The following CLIP2 variants were observed in gnomAD, a reference collection of about 807,000 sequenced individuals.
CLIP2 encodes the protein CAP-Gly domain-containing linker protein 2.
CLIP2 carries 41 observed loss-of-function variants against 111.7 expected under a neutral mutation model. The ratio of observed to expected loss-of-function variants is 0.37; its 90% CI spans 0.29 to 0.48. The LOEUF is 0.48. CLIP2 is among the 20% of genes least tolerant of loss of function. The probability of loss-of-function intolerance (pLI) is 0.99; values close to 1 mark genes in which losing one functional copy is unlikely to be tolerated. For missense variants in CLIP2, 1,160 were observed against 1,422.1 expected, an observed-to-expected ratio of 0.82 and a Z score of 2.96; for synonymous variants, 660 against 644.2, an observed-to-expected ratio of 1.02 and a Z score of -0.37.
chr7:74,362,339 C>A (rs1407023524), intron 7 of CLIP2, among the ~76,000 whole-genome samples: 1 of 152,068 alleles, frequency 6.6e-6, no homozygotes, highest in Non-Finnish European at 1.5e-5. Flanking sequence ...ATCCCCAACA[C>A]CCCCACTTGG....
chr7:74,358,975 CT>C (rs1187176148), intron 6 of CLIP2, among the ~76,000 whole-genome samples: 1 of 151,732 alleles, frequency 6.6e-6, no homozygotes, highest in East Asian at 1.9e-4. Context: ...CCATTTTTCA[CT>C]TTTTTTGAGA....
Position 74,338,701 on chromosome 7 carries a change from C to G in CLIP2, c.375C>G (p.Gly125=). 6.3e-7 allele frequency: 1 copy of G among 1,584,976 alleles called. No individual in the cohort carries two copies. The highest frequency in any genetic ancestry group is 2.3e-5 in the East Asian group (1 of 43,430). ...TGGGCAAGAATGATGGCGCGGTGGGCGGCGTGCGCTACTTCGAGTGCCCGG... is the reference window on the plus strand; with the variant it reads ...TGGGCAAGAATGATGGCGCGGTGGGGGGCGTGCGCTACTTCGAGTGCCCGG... The part of the protein sequence containing the change: ...DPVGKNDGAV[G]GVRYFECPAL... Residue 125 remains glycine, a synonymous_variant, in exon 3 of 17, where the codon GGC becomes GGG. Transcript: ENST00000223398. The surrounding 1 kb of genome is among the most constrained non-coding windows in gnomAD (Gnocchi z 4.3).
chr7:74,367,746 C>T (rs988761086), intron 8 of CLIP2, among the ~76,000 whole-genome samples: 1 of 152,116 alleles, frequency 6.6e-6, no homozygotes, highest in Non-Finnish European at 1.5e-5. Flanking sequence ...CTAACACCAC[C>T]CCCCTTACGG....
At chr7:74,297,871 C>T (rs73360522) in intron 1 of CLIP2, among the ~76,000 whole-genome samples, 14,858 of 149,078 alleles carry the variant, frequency 0.1, 1,398 homozygotes, top group East Asian at 0.3. Context: ...GGAGTGCAGT[C>T]GTGCCATCTT....
chr7:74,305,874 G>T (rs1788473648), intron 1 of CLIP2, among the ~76,000 whole-genome samples: 1 of 48,090 alleles, frequency 2.1e-5, no homozygotes, highest in African/African-American at 1.5e-4. Context: ...CACCGCCCCT[G>T]CTGCCAGTTC....
chr7:74,308,368 G>A (rs1788551684), intron 1 of CLIP2, among the ~76,000 whole-genome samples: 1 of 152,158 alleles, frequency 6.6e-6, no homozygotes, highest in Non-Finnish European at 1.5e-5. Context: ...TGTGGTGTCT[G>A]ACCAGCTGGG....
intron 1 of CLIP2, among the ~76,000 whole-genome samples, chr7:74,294,062 A>G (rs561886773): frequency 2.1e-3 from 318 of 152,122 alleles, no homozygotes; most frequent in African/African-American, 7.0e-3. Flanking sequence ...GATTACAGGC[A>G]CGCGCCACCA....
At chr7:74,379,046 G>A (rs545336762) in intron 10 of CLIP2, among the ~76,000 whole-genome samples, 21 of 152,306 alleles carry the variant, frequency 1.4e-4, no homozygotes, top group Non-Finnish European at 2.4e-4. Flanking sequence ...TTCCCTGAGC[G>A]GGGAGGTTTG....
rs184467372 is a variant in CLIP2, at chr7:74,309,243, A to G, written c.-67-8237A>G. 5.6e-3 allele frequency among the ~76,000 whole-genome samples: 857 copies of G among 151,888 alleles called. 4 individuals are homozygous for G. The highest frequency in any genetic ancestry group is 0.011 in the African/African-American group (449 of 41,526). ...GTAATCCCAGCACTTGGGGAGGCCA[A>G]TGCAGGTGGGTCACCTGAGGTCAGG... On this transcript the variant is annotated intron_variant, in intron 1 of 16. Coordinates refer to ENST00000223398, the MANE Select transcript of CLIP2 (RefSeq NM_003388.5).
Position 74,353,967 on chromosome 7 carries a change from C to T in CLIP2, c.766C>T (p.Pro256Ser). ...GTGGTGTGGCGTGGAGCTGGACGAGCCCCTTGGGAAGAATGATGGGGCGGT... is the reference window on the plus strand; with the variant it reads ...GTGGTGTGGCGTGGAGCTGGACGAGTCCCTTGGGAAGAATGATGGGGCGGT... ...GEWCGVELDE[P>S]LGKNDGAVAG... Residue 256 changes from proline to serine, a missense_variant, in exon 4 of 17, where the codon CCC becomes TCC. Pro to Ser is a moderately conservative substitution (Grantham distance 74, BLOSUM62 -1). This residue lies in a region of CLIP2 where 110 missense variants were observed against 185.2 expected (regional missense o/e 0.59). Transcript: ENST00000223398. The T allele has an allele frequency of 2.5e-6, 4 of 1,613,896 alleles. No individual in the cohort carries two copies. Among genetic ancestry groups the T allele is most frequent in the Non-Finnish European group, 3.4e-6 (4 of 1,179,852 alleles).
intron 8 of CLIP2, among the ~76,000 whole-genome samples, chr7:74,368,561 A>T (rs1790520991): frequency 6.6e-6 from 1 of 151,482 alleles, no homozygotes; most frequent in South Asian, 2.1e-4. Context: ...TAAAATAAAT[A>T]AAAAATAAAA....
At chr7:74,361,998 G>A (rs936881043) in intron 7 of CLIP2, among the ~76,000 whole-genome samples, 8 of 152,030 alleles carry the variant, frequency 5.3e-5, no homozygotes, top group Middle Eastern at 3.2e-3. Context: ...CTACTCGGGA[G>A]GCTGAGGCAG....
At chr7:74,304,964 GAATGAATA>G (rs1441580684) in intron 1 of CLIP2, among the ~76,000 whole-genome samples, 3 of 151,846 alleles carry the variant, frequency 2.0e-5, no homozygotes, top group Non-Finnish European at 4.4e-5. Flanking sequence ...ATAAATGAAT[GAATGAATA>G]AATAAATAAA....
chr7:74,295,381 C>T lies in CLIP2; in HGVS notation c.-68+5647C>T, dbSNP rs562640798. ...AGGGAGTAGAGTGTCTGTCTAGGGG[C>T]TCAGTGAAAAACTCACCATTCTCCC... On this transcript the variant is annotated intron_variant, in intron 1 of 16. Coordinates refer to ENST00000223398, the MANE Select transcript of CLIP2 (RefSeq NM_003388.5). 5.3e-5 allele frequency among the ~76,000 whole-genome samples: 8 copies of T among 152,258 alleles called. No individual in the cohort carries two copies. In the South Asian group the frequency reaches 1.7e-3, roughly 32 times the overall value.
rs571847514 is a variant in CLIP2 at position 74,309,992 on chromosome 7, G to T, written c.-67-7488G>T. On this transcript the variant is annotated intron_variant, in intron 1 of 16. Transcript: ENST00000223398. The stretch of plus-strand genomic sequence containing the variant: ...GGTGGGGGGAATTGCTTGAGTCCAG[G>T]AGTTCAAGACCAGCTTGGGCAATAT... Among the ~76,000 whole-genome samples, 24 of 123,634 alleles carry T rather than the reference G, an allele frequency of 1.9e-4. No individual in the cohort carries two copies. In the East Asian group the frequency reaches 4.6e-3, roughly 24 times the overall value. 81.1% of individuals were successfully genotyped at this position (123,634 alleles called of 152,430 possible).
intron 13 of CLIP2, among the ~76,000 whole-genome samples, chr7:74,394,245 ATTTTTTTTTT>A (rs56651501): frequency 8.5e-6 from 1 of 117,410 alleles, no homozygotes; most frequent in Non-Finnish European, 1.8e-5. Flanking sequence ...TTTTCTTCTT[ATTTTTTTTTT>A]TTTTTTTTTT....
chr7:74,321,165 G>T (rs1788940916), intron 2 of CLIP2, among the ~76,000 whole-genome samples: 1 of 152,108 alleles, frequency 6.6e-6, no homozygotes, highest in African/African-American at 2.4e-5. Flanking sequence ...AACATGGAGT[G>T]CCTGCAGGTA....
chr7:74,397,335 C>A, intron 14 of CLIP2, 102 bp downstream of exon 14: 1 of 1,221,232 alleles, frequency 8.2e-7, no homozygotes, highest in Non-Finnish European at 1.2e-6. Flanking sequence ...CCTGGAATGA[C>A]CCCAGGGACA....
At chr7:74,339,425 C>G (rs193067100) in intron 3 of CLIP2, among the ~76,000 whole-genome samples, 1 of 152,136 alleles carries the variant, frequency 6.6e-6, no homozygotes. Flanking sequence ...CCTGTCTCAC[C>G]CTCCCTAGTA....
Sources: gnomAD v4.1 joint callset for allele counts (sites outside exome capture counted in the v4.1 genomes callset) on GRCh38, gnomAD v4.1.1 for gene constraint, gnomAD v4.1.1 regional missense constraint, Gnocchi (gnomAD v3.1) non-coding constraint, MANE v1.5 for transcripts, NCBI Gene and HGNC (gene_info 2026-07-23, HGNC 2026-07-21) for gene names.